UBE2E2: variants seen among roughly 807,000 people sequenced by gnomAD.
The protein encoded by UBE2E2 is ubiquitin-conjugating enzyme E2 E2.
Under a neutral mutation model 24.7 loss-of-function variants are expected in UBE2E2, and 6 were observed. The ratio of observed to expected loss-of-function variants is 0.24; its 90% CI spans 0.13 to 0.48. The LOEUF is 0.48. Among genes scored for constraint, UBE2E2 ranks in the 20% least tolerant of loss-of-function variants. UBE2E2 has a pLI of 0.99. For missense variants in UBE2E2, 169 were observed against 245.0 expected (o/e 0.69, Z 2.07); for synonymous variants, 104 against 83.6 (o/e 1.24, Z -1.33).
At chr3:23,446,706 T>TTTG (rs1222938335) in intron 3 of UBE2E2, among the ~76,000 whole-genome samples, 29 of 141,822 alleles carry the variant, frequency 2.0e-4, no homozygotes, top group African/African-American at 6.3e-4. Flanking sequence ...TTGGTTTTTT[T>TTTG]TTTTTTTTTT....
At chr3:23,325,320 A>G (rs766939265) in intron 3 of UBE2E2, among the ~76,000 whole-genome samples, 71 of 152,172 alleles carry the variant, frequency 4.7e-4, no homozygotes, top group Admixed American at 6.5e-4. Flanking sequence ...AAAACATTCA[A>G]TTTGTGTACT....
At chr3:23,437,135 T>C (rs914202706) in intron 3 of UBE2E2, among the ~76,000 whole-genome samples, 1 of 152,206 alleles carries the variant, frequency 6.6e-6, no homozygotes, top group African/African-American at 2.4e-5. Context: ...TCTGGCCACG[T>C]TGGCCTTCCT....
At chr3:23,581,946 G>T (rs542522591) in intron 5 of UBE2E2, among the ~76,000 whole-genome samples, 4 of 152,202 alleles carry the variant, frequency 2.6e-5, no homozygotes, top group Admixed American at 2.6e-4. Context: ...AGGGGTACAT[G>T]TGCAGATTTA....
At chr3:23,383,903 AAG>A (rs1696741812) in intron 3 of UBE2E2, among the ~76,000 whole-genome samples, 1 of 151,984 alleles carries the variant, frequency 6.6e-6, no homozygotes, top group Non-Finnish European at 1.5e-5. Flanking sequence ...AAAAAAAAAA[AAG>A]GAAAAATTTC....
At chr3:23,552,017 C>G (rs1237415455) in intron 5 of UBE2E2, among the ~76,000 whole-genome samples, 2 of 152,144 alleles carry the variant, frequency 1.3e-5, no homozygotes, top group Non-Finnish European at 2.9e-5. Context: ...GAGGACACAT[C>G]CAGAAGGCAG....
chr3:23,450,888 T>G (rs904008699), intron 3 of UBE2E2, among the ~76,000 whole-genome samples: 2 of 152,192 alleles, frequency 1.3e-5, no homozygotes, highest in African/African-American at 4.8e-5. Flanking sequence ...TATTTACAAG[T>G]TTCAAAGTTT....
intron 3 of UBE2E2, among the ~76,000 whole-genome samples, chr3:23,498,121 C>CT (rs1161565306): frequency 6.6e-6 from 1 of 151,900 alleles, no homozygotes; most frequent in East Asian, 1.9e-4. Flanking sequence ...TTAATAGAGT[C>CT]TTTTTTTAGT....
At chr3:23,360,249 CA>C (rs1696075595) in intron 3 of UBE2E2, among the ~76,000 whole-genome samples, 1 of 151,974 alleles carries the variant, frequency 6.6e-6, no homozygotes, top group African/African-American at 2.4e-5. Context: ...TGTACAGTAA[CA>C]AAAAGAAGTG....
At chr3:23,528,989 G>A (rs987587745) in intron 4 of UBE2E2, among the ~76,000 whole-genome samples, 3 of 152,120 alleles carry the variant, frequency 2.0e-5, no homozygotes, top group Non-Finnish European at 4.4e-5. Context: ...TTATTGACAC[G>A]TGCAACAGCT....
intron 3 of UBE2E2, among the ~76,000 whole-genome samples, chr3:23,291,083 A>AC (rs1379560423): frequency 2.6e-5 from 3 of 117,608 alleles, no homozygotes; most frequent in Non-Finnish European, 5.9e-5. Context: ...AAAAAAAAAC[A>AC]AAAAACGTGA....
At chr3:23,465,342 C>T (rs891250820) in intron 3 of UBE2E2, among the ~76,000 whole-genome samples, 1 of 152,230 alleles carries the variant, frequency 6.6e-6, no homozygotes, top group Non-Finnish European at 1.5e-5. Context: ...CAATTGGAAT[C>T]ACACTAGGTA....
chr3:23,286,627 A>C (rs1698621341), intron 3 of UBE2E2, among the ~76,000 whole-genome samples: 1 of 152,158 alleles, frequency 6.6e-6, no homozygotes, highest in Non-Finnish European at 1.5e-5. Flanking sequence ...AGCTTTGGCT[A>C]TTCGGGGTCT....
intron 3 of UBE2E2, among the ~76,000 whole-genome samples, chr3:23,395,978 T>G (rs905852282): frequency 1.2e-4 from 19 of 152,140 alleles, no homozygotes; most frequent in African/African-American, 4.6e-4. Context: ...TATCCAAATT[T>G]TATTAATTTG....
chr3:23,315,942 T>C (rs1017554071), intron 3 of UBE2E2, among the ~76,000 whole-genome samples: 2 of 152,182 alleles, frequency 1.3e-5, no homozygotes, highest in African/African-American at 4.8e-5. Context: ...GCAGAGACTC[T>C]TGTTTTCTTC....
At chr3:23,271,044 C>G (rs985487935) in intron 3 of UBE2E2, 1 of 456,656 alleles carries the variant, frequency 2.2e-6, no homozygotes, top group Non-Finnish European at 4.4e-6. Context: ...TCTCAATTAA[C>G]TATGACTAAC....
At chr3:23,294,719 AATAAT>A (rs1447603315) in intron 3 of UBE2E2, among the ~76,000 whole-genome samples, 2 of 147,652 alleles carry the variant, frequency 1.4e-5, no homozygotes, top group African/African-American at 4.9e-5. Flanking sequence ...TTATAAAATA[AATAAT>A]ATATTTTAAA....
At chr3:23,247,162 C>A (rs1379346819) in intron 3 of UBE2E2, among the ~76,000 whole-genome samples, 2 of 151,926 alleles carry the variant, frequency 1.3e-5, no homozygotes, top group Non-Finnish European at 2.9e-5. Context: ...CTTCAGAAAG[C>A]CAGTTCCTAA....
rs1363814782 is a variant in UBE2E2 at position 23,209,882 on chromosome 3, T to C, written c.176+1007T>C. Among the ~76,000 whole-genome samples, 3 of 152,160 alleles carry C rather than the reference T, an allele frequency of 2.0e-5. No homozygotes were observed. In the East Asian group the frequency reaches 5.8e-4, roughly 29 times the overall value. On this transcript the variant is annotated intron_variant, in intron 2 of 5. Coordinates refer to ENST00000396703, the MANE Select transcript of UBE2E2 (RefSeq NM_152653.4). The stretch of plus-strand genomic sequence containing the variant: ...ACTAGAGTATTCAGTTTCCCTTTCG[T>C]GGGGGTGTATTGCTGATCTCTGTTG...
At chr3:23,560,379 C>G (rs2125504117) in intron 5 of UBE2E2, among the ~76,000 whole-genome samples, 1 of 152,216 alleles carries the variant, frequency 6.6e-6, no homozygotes, top group East Asian at 1.9e-4. Context: ...ATCCGTGTCC[C>G]TACAAAGGAC....
Sources: allele counts gnomAD v4.1 joint callset (sites outside exome capture counted in the v4.1 genomes callset), GRCh38; gene constraint gnomAD v4.1.1; transcripts MANE v1.5; gene names NCBI Gene and HGNC (gene_info 2026-07-23, HGNC 2026-07-21).